Variants in MGAT3 observed in about 807,000 individuals in gnomAD.
MGAT3 encodes the protein GlcNAc-T III.
Under a neutral mutation model 29.8 loss-of-function variants are expected in MGAT3, and 9 were observed. The ratio of observed to expected loss-of-function variants is 0.30; its 90% CI spans 0.18 to 0.53. MGAT3 has a LOEUF of 0.53. MGAT3 is among the 20% of genes least tolerant of loss of function. MGAT3 has a pLI of 0.96. For missense variants in MGAT3, 557 were observed against 769.5 expected (o/e 0.72, Z 3.27); for synonymous variants, 397 against 348.9 (o/e 1.14, Z -1.54).
rs192627754 is a variant in MGAT3, at chr22:39,465,172, A to C, written c.-2+7615A>C. The stretch of plus-strand genomic sequence containing the variant: ...GGCCTCTGACCTGGTTCCTGCTGAG[A>C]AATGCTCTGAACTGGGGGCAGGGGA... On this transcript the variant is annotated intron_variant, in intron 1 of 1. Transcript: ENST00000341184. Among the ~76,000 whole-genome samples the C allele has an allele frequency of 6.2e-3, 938 of 152,246 alleles. 3 individuals carry two copies. Among genetic ancestry groups the C allele is most frequent in the Non-Finnish European group, 0.01 (687 of 68,006 alleles).
intron 1 of MGAT3, among the ~76,000 whole-genome samples, chr22:39,467,840 C>T (rs1928699948): frequency 6.7e-6 from 1 of 150,076 alleles, no homozygotes; most frequent in African/African-American, 2.5e-5. Context: ...GAGGTAGAAC[C>T]TTCAGATGCA....
At chr22:39,486,246 C>A in intron 1 of MGAT3, 1 of 386,316 alleles carries the variant, frequency 2.6e-6, no homozygotes, top group Non-Finnish European at 5.0e-6. Flanking sequence ...CCCCTGGGTT[C>A]AAGTAATTCT....
At chr22:39,481,126 C>T (rs532454485) in intron 1 of MGAT3, among the ~76,000 whole-genome samples, 1 of 152,244 alleles carries the variant, frequency 6.6e-6, no homozygotes, top group Non-Finnish European at 1.5e-5. Context: ...TTCCCTGCCC[C>T]CCATGTCCCC....
intron 1 of MGAT3, among the ~76,000 whole-genome samples, chr22:39,458,508 T>C (rs1601715247): frequency 6.6e-6 from 1 of 151,856 alleles, no homozygotes; most frequent in African/African-American, 2.4e-5. Flanking sequence ...GGAGCAGTTA[T>C]GAAAGATCCA....
In MGAT3 at chr22:39,457,203, C is replaced by A. The variant is rs1301136958; in HGVS notation, c.-356C>A. On this transcript the variant is annotated 5_prime_UTR_variant, in exon 1 of 2. Transcript: ENST00000341184. This position sits in a 1 kb window ranked among gnomAD's most constrained non-coding sequence, Gnocchi z 6.8. Reference sequence around the variant, plus strand: ...CCGGAGCCGCTTGAGCCGGCGGGAGCGGGCACCCCTGCGCGCCGCGCTCGG... The same window carrying A: ...CCGGAGCCGCTTGAGCCGGCGGGAGAGGGCACCCCTGCGCGCCGCGCTCGG... 6.9e-6 allele frequency: 1 copy of A among 144,110 alleles called. No homozygotes were observed. Among genetic ancestry groups the A allele is most frequent in the Non-Finnish European group, 1.5e-5 (1 of 65,138 alleles). The allele number at this position is 144,110 out of a possible 1,614,324, so 8.9% of individuals were successfully genotyped here. A position where few individuals can be genotyped will look rare whatever the true frequency, so the allele number is the denominator to read the frequency against.
At chr22:39,466,672 T>C (rs910889359) in intron 1 of MGAT3, among the ~76,000 whole-genome samples, 6 of 152,180 alleles carry the variant, frequency 3.9e-5, no homozygotes, top group Admixed American at 6.5e-5. Flanking sequence ...CAGACAGAGG[T>C]GCCCGCAGGG....
At chr22:39,479,081 C>T (rs1178619157) in intron 1 of MGAT3, among the ~76,000 whole-genome samples, 1 of 152,228 alleles carries the variant, frequency 6.6e-6, no homozygotes, top group Non-Finnish European at 1.5e-5. Flanking sequence ...GGCGGTGGCC[C>T]ACGCTTGCAA....
intron 1 of MGAT3, among the ~76,000 whole-genome samples, chr22:39,478,838 AGCCCGTCAG>A (rs1385845419): frequency 2.0e-5 from 3 of 152,218 alleles, no homozygotes; most frequent in African/African-American, 7.2e-5. Flanking sequence ...CCTCCCTCAC[AGCCCGTCAG>A]GCTTCCAAGC....
intron 1 of MGAT3, among the ~76,000 whole-genome samples, chr22:39,463,429 C>T (rs375616038): frequency 6.1e-4 from 93 of 152,308 alleles, no homozygotes; most frequent in Non-Finnish European, 1.0e-3. Flanking sequence ...GGCTTGGAGC[C>T]CTGAGACAGC....
At chr22:39,464,416 G>A (rs559561041) in intron 1 of MGAT3, among the ~76,000 whole-genome samples, 26 of 152,274 alleles carry the variant, frequency 1.7e-4, no homozygotes, top group African/African-American at 5.3e-4. Context: ...TGCCTGGCAC[G>A]TAGAAGGCAT....
intron 1 of MGAT3, among the ~76,000 whole-genome samples, chr22:39,463,425 G>A (rs148254468): frequency 2.0e-5 from 3 of 152,302 alleles, no homozygotes; most frequent in Non-Finnish European, 1.5e-5. Flanking sequence ...CTGAGGCTTG[G>A]AGCCCTGAGA....
intron 1 of MGAT3, among the ~76,000 whole-genome samples, chr22:39,465,251 C>G (rs1928607870): frequency 6.6e-6 from 1 of 152,230 alleles, no homozygotes; most frequent in Non-Finnish European, 1.5e-5. Flanking sequence ...TCACACCACA[C>G]AGGGGATCCT....
At position 39,489,877 on chromosome 22, in the gene MGAT3, T is replaced by C. The variant is rs1929405343; in HGVS notation, c.*928T>C. 6.0e-6 allele frequency: 1 copy of C among 167,420 alleles called. No individual in the cohort carries two copies. The highest frequency in any genetic ancestry group is 2.4e-5 in the African/African-American group (1 of 41,486). The allele number at this position is 167,420 out of a possible 1,614,324, so 10.4% of individuals were successfully genotyped here. On this transcript the variant is annotated 3_prime_UTR_variant, in exon 2 of 2. Transcript: ENST00000341184. ...CTTCCTTCTGACACCCAGTCCCAGCTGTCCACTGTCCCAGGTGCAGTCACT... is the reference window on the plus strand; with the variant it reads ...CTTCCTTCTGACACCCAGTCCCAGCCGTCCACTGTCCCAGGTGCAGTCACT...
rs982279650 is a variant in MGAT3 at position 39,457,146 on chromosome 22, G to C, written c.-413G>C. Reference sequence around the variant, plus strand: ...CGGCGGAGCCCGGCTGGCGGGGGAGGGGAGGGGGTTGCGGAGGGGGCGGGG... The same window carrying C: ...CGGCGGAGCCCGGCTGGCGGGGGAGCGGAGGGGGTTGCGGAGGGGGCGGGG... On this transcript the variant is annotated 5_prime_UTR_variant, in exon 1 of 2. Coordinates refer to ENST00000341184, the MANE Select transcript of MGAT3 (RefSeq NM_002409.5). This position sits in a 1 kb window ranked among gnomAD's most constrained non-coding sequence, Gnocchi z 6.8. 4.6e-4 allele frequency among the ~76,000 whole-genome samples: 67 copies of C among 145,910 alleles called. 2 individuals are homozygous for C. Among genetic ancestry groups the C allele is most frequent in the Admixed American group, 3.9e-3 (57 of 14,766 alleles).
chr22:39,464,607 A>G (rs1928586586), intron 1 of MGAT3, among the ~76,000 whole-genome samples: 1 of 151,112 alleles, frequency 6.6e-6, no homozygotes. Flanking sequence ...CACCCAGCTA[A>G]TTTTTGTATT....
At chr22:39,477,202 G>A (rs1928990313) in intron 1 of MGAT3, among the ~76,000 whole-genome samples, 1 of 152,232 alleles carries the variant, frequency 6.6e-6, no homozygotes, top group Admixed American at 6.5e-5. Flanking sequence ...TGGGCGGCCC[G>A]TGGGAGTGGA....
intron 1 of MGAT3, among the ~76,000 whole-genome samples, chr22:39,467,302 G>C (rs1402136087): frequency 1.3e-5 from 2 of 152,202 alleles, no homozygotes; most frequent in Non-Finnish European, 2.9e-5. Context: ...GAAGGGCAGG[G>C]GGTTGGGGCA....
In MGAT3 at chr22:39,490,835, C is replaced by A. The variant is rs896191816; in HGVS notation, c.*1886C>A. On this transcript the variant is annotated 3_prime_UTR_variant, in exon 2 of 2. Transcript: ENST00000341184. ...AAGAGGCCAGGCCCAGGCCTGGCCT[C>A]TTCCTCGGGCCTGTGGCCACACCTC... is the stretch of plus-strand genomic sequence containing the variant. 6.0e-6 allele frequency: 1 copy of A among 166,524 alleles called. No individual in the cohort carries two copies. The highest frequency in any genetic ancestry group is 1.5e-5 in the Non-Finnish European group (1 of 68,042). The allele number at this position is 166,524 out of a possible 1,614,324, so 10.3% of individuals were successfully genotyped here. A position where few individuals can be genotyped will look rare whatever the true frequency, so the allele number is the denominator to read the frequency against.
intron 1 of MGAT3, among the ~76,000 whole-genome samples, chr22:39,480,922 A>C (rs1402781783): frequency 6.6e-6 from 1 of 152,196 alleles, no homozygotes; most frequent in East Asian, 1.9e-4. Flanking sequence ...GGTGGAAGCC[A>C]CCCTGACTCA....
Sources: gnomAD v4.1 joint callset for allele counts (sites outside exome capture counted in the v4.1 genomes callset) on GRCh38, gnomAD v4.1.1 for gene constraint, Gnocchi (gnomAD v3.1) non-coding constraint, MANE v1.5 for transcripts, NCBI Gene and HGNC (gene_info 2026-07-23, HGNC 2026-07-21) for gene names.